The following TBR1 variants were observed in gnomAD, a reference collection of about 807,000 sequenced individuals.
TBR1 encodes T-box brain transcription factor 1.
TBR1 carries 7 observed loss-of-function variants against 60.3 expected under a neutral mutation model. That is an observed-to-expected ratio of 0.12 (90% CI 0.07 to 0.22). The LOEUF is 0.22. TBR1 is among the 10% of genes least tolerant of loss of function. The pLI is 1.00. For missense variants in TBR1, 616 were observed against 936.8 expected (o/e 0.66, Z 4.47); for synonymous variants, 417 against 409.9 (o/e 1.02, Z -0.21).
At chr2:161,420,154 C>A in intron 4 of TBR1, 42 bp from the exon 5 acceptor site, 1 of 1,543,154 alleles carries the variant, frequency 6.5e-7, no homozygotes, top group Non-Finnish European at 8.9e-7. Context: ...CCAGTCTTCA[C>A]GTATAAAAGG....
At chr2:161,420,288 A>G in intron 5 of TBR1, 31 bp downstream of exon 5, 3 of 1,592,284 alleles carry the variant, frequency 1.9e-6, no homozygotes, top group Non-Finnish European at 2.6e-6. Flanking sequence ...CTTTTCAAAT[A>G]GCTGTGGAAT....
Position 161,416,341 on chromosome 2 carries a change from A to G in TBR1, c.-70A>G. 1 of 1,275,482 alleles carries G rather than the reference A, an allele frequency of 7.8e-7. No homozygotes were observed. Among genetic ancestry groups the G allele is most frequent in the Non-Finnish European group, 1.1e-6 (1 of 919,358 alleles). The allele number at this position is 1,275,482 out of a possible 1,614,324, so 79.0% of individuals were successfully genotyped here. A position where few individuals can be genotyped will look rare whatever the true frequency, so the allele number is the denominator to read the frequency against. On this transcript the variant is annotated 5_prime_UTR_variant, in exon 1 of 6. Transcript: ENST00000389554. The surrounding 1 kb of genome is among the most constrained non-coding windows in gnomAD (Gnocchi z 6.1). ...TTCTGTCTAGTGAGGGGGTCTGTGG[A>G]TTTCTAGTTTATGATAAATAGGACT...
chr2:161,424,014 C>T lies in TBR1; in HGVS notation c.1836C>T (p.Ser612=). The change falls in exon 6 of 6, where the codon TCC becomes TCT. Residue 612 remains serine (S), a synonymous_variant. Transcript: ENST00000389554. The surrounding 1 kb of genome is among the most constrained non-coding windows in gnomAD (Gnocchi z 4.4). ...EDAKPKDLSD[S]SWIETPSSIK... ...CCAAGCCCAAGGACCTGTCCGATTC[C>T]AGCTGGATCGAGACGCCCTCCTCGA... is the stretch of plus-strand genomic sequence containing the variant. The T allele has an allele frequency of 1.3e-6, 2 of 1,582,038 alleles. No individual in the cohort carries two copies. Among genetic ancestry groups the T allele is most frequent in the Non-Finnish European group, 1.7e-6 (2 of 1,164,454 alleles).
intron 2 of TBR1, 93 bp from the exon 3 acceptor site, chr2:161,418,096 ATGTGTGTGTGTG>A (rs78592009): frequency 3.5e-5 from 50 of 1,414,282 alleles, no homozygotes; most frequent in East Asian, 1.3e-4. Context: ...AGGTGTGTGT[ATGTGTGTGTGTG>A]TGTGTGTGTG....
intron 4 of TBR1, chr2:161,419,342 T>C (rs1035581290): frequency 5.4e-6 from 2 of 370,868 alleles, no homozygotes; most frequent in Non-Finnish European, 4.9e-6. Flanking sequence ...ATTTGGGCTT[T>C]GAACTAGAAC....
chr2:161,417,418 G>A lies in TBR1; in HGVS notation c.693-258G>A. On this transcript the variant is annotated intron_variant, in intron 1 of 5. Transcript: ENST00000389554. This position sits in a 1 kb window ranked among gnomAD's most constrained non-coding sequence, Gnocchi z 5.3. ...CTGGCATGCACGGACAGGTGGAGAC[G>A]CAGGTCGCCAACCTCGCTCTCCACC... is the stretch of plus-strand genomic sequence containing the variant. 1.8e-6 allele frequency: 1 copy of A among 562,804 alleles called. No individual in the cohort carries two copies. Among genetic ancestry groups the A allele is most frequent in the Non-Finnish European group, 3.1e-6 (1 of 321,420 alleles). 34.9% of individuals were successfully genotyped at this position (562,804 alleles called of 1,614,324 possible). A position where few individuals can be genotyped will look rare whatever the true frequency, so the allele number is the denominator to read the frequency against.
Position 161,425,501 on chromosome 2 carries a change from T to C in TBR1, c.*1274T>C, listed in dbSNP as rs1003035023. 2.6e-5 allele frequency: 4 copies of C among 152,224 alleles called. No individual in the cohort carries two copies. The highest frequency in any genetic ancestry group is 2.1e-4 in the South Asian group (1 of 4,834). 9.4% of individuals were successfully genotyped at this position (152,224 alleles called of 1,614,324 possible). A position where few individuals can be genotyped will look rare whatever the true frequency, so the allele number is the denominator to read the frequency against. On this transcript the variant is annotated 3_prime_UTR_variant, in exon 6 of 6. Transcript: ENST00000389554. Reference sequence around the variant, plus strand: ...GCATTAATGCAAGTAAGACTGATTTTCCCCTAAGTCTTGTTATATTTGATA... The same window carrying C: ...GCATTAATGCAAGTAAGACTGATTTCCCCCTAAGTCTTGTTATATTTGATA...
chr2:161,417,527 C>T lies in TBR1; in HGVS notation c.693-149C>T. On this transcript the variant is annotated intron_variant, in intron 1 of 5. Coordinates refer to ENST00000389554, the MANE Select transcript of TBR1 (RefSeq NM_006593.4). This position sits in a 1 kb window ranked among gnomAD's most constrained non-coding sequence, Gnocchi z 5.3. ...GGTTGCACTTCTTTTCTTCTCCCAC[C>T]ACCCTTTTTCTAATCCAGCAAATAT... 2 of 1,058,076 alleles carry T rather than the reference C, an allele frequency of 1.9e-6. No individual in the cohort carries two copies. The highest frequency in any genetic ancestry group is 2.5e-5 in the Admixed American group (1 of 40,722). The allele number at this position is 1,058,076 out of a possible 1,614,324, so 65.5% of individuals were successfully genotyped here.
chr2:161,418,220 T>C lies in TBR1; in HGVS notation c.867T>C (p.His289=). Residue 289 remains histidine (H), a synonymous_variant, in exon 3 of 6, where the codon CAT becomes CAC. Transcript: ENST00000389554. ...CTCTAGGAAATCGGGTCTATATGCATCCGGATTCCCCCAACACTGGGGCTC... is the reference window on the plus strand; with the variant it reads ...CTCTAGGAAATCGGGTCTATATGCACCCGGATTCCCCCAACACTGGGGCTC... The part of the protein sequence containing the change: ...TNVQGNRVYM[H]PDSPNTGAHW... 5 of 1,613,682 alleles carry C rather than the reference T, an allele frequency of 3.1e-6. No homozygotes were observed. The highest frequency in any genetic ancestry group is 4.2e-6 in the Non-Finnish European group (5 of 1,179,904).
chr2:161,420,351 A>ATG (rs899011512), intron 5 of TBR1, 94 bp downstream of exon 5: 7 of 873,298 alleles, frequency 8.0e-6, no homozygotes, highest in Admixed American at 2.4e-5. Flanking sequence ...GAAAGCTGGA[A>ATG]TGTGTGAAGA....
At position 161,416,993 on chromosome 2, in the gene TBR1, A is replaced by C. The variant is rs767849327; in HGVS notation, c.583A>C (p.Thr195Pro). ...QGAPFYQFSS[T>P]QPGLVPGKAQ... The stretch of plus-strand genomic sequence containing the variant: ...AGCTCCGTTCTACCAGTTCTCCTCC[A>C]CCCAGCCGGGGCTGGTGCCCGGCAA... The change falls in exon 1 of 6, where the codon ACC becomes CCC. Residue 195 changes from threonine (T) to proline (P), a missense_variant. This residue lies in a region of TBR1 where 211 missense variants were observed against 268.7 expected (regional missense o/e 0.79). Coordinates refer to ENST00000389554, the MANE Select transcript of TBR1 (RefSeq NM_006593.4). The surrounding 1 kb of genome is among the most constrained non-coding windows in gnomAD (Gnocchi z 6.1). The C allele has an allele frequency of 6.2e-6, 10 of 1,613,764 alleles. No homozygotes were observed. Among genetic ancestry groups the C allele is most frequent in the Non-Finnish European group, 7.6e-6 (9 of 1,179,998 alleles).
In TBR1 at chr2:161,416,658, T is replaced by A; in HGVS notation, c.248T>A (p.Leu83His). The A allele has an allele frequency of 6.2e-7, 1 of 1,614,154 alleles. No homozygotes were observed. The highest frequency in any genetic ancestry group is 8.5e-7 in the Non-Finnish European group (1 of 1,180,022). ...CCAGGGGACGTCCAGAGAAGTAAACTCTCTCCTGTCTTGGACGGGGTCTCT... is the reference window on the plus strand; with the variant it reads ...CCAGGGGACGTCCAGAGAAGTAAACACTCTCCTGTCTTGGACGGGGTCTCT... ...DSPGDVQRSK[L>H]SPVLDGVSEL... Residue 83 changes from leucine (L) to histidine (H), a missense_variant, in exon 1 of 6, where the codon CTC (leucine) becomes CAC (histidine). Coordinates refer to ENST00000389554, the MANE Select transcript of TBR1 (RefSeq NM_006593.4). This position sits in a 1 kb window ranked among gnomAD's most constrained non-coding sequence, Gnocchi z 6.1.
At position 161,417,217 on chromosome 2, in the gene TBR1, C is replaced by T; in HGVS notation, c.692+115C>T. The T allele has an allele frequency of 9.4e-7, 1 of 1,061,862 alleles. No individual in the cohort carries two copies. The highest frequency in any genetic ancestry group is 1.3e-6 in the Non-Finnish European group (1 of 745,624). 65.8% of individuals were successfully genotyped at this position (1,061,862 alleles called of 1,614,324 possible). A position where few individuals can be genotyped will look rare whatever the true frequency, so the allele number is the denominator to read the frequency against. ...GGTCGGGAGCGGAGTGGAAGGCGCC[C>T]TAGAGTTGGCTAGTTTTGGAAAGGG... On this transcript the variant is annotated intron_variant, in intron 1 of 5. Transcript: ENST00000389554. This position sits in a 1 kb window ranked among gnomAD's most constrained non-coding sequence, Gnocchi z 5.3.
At chr2:161,420,112 G>A (rs1684203262) in intron 4 of TBR1, 84 bp from the exon 5 acceptor site, 4 of 1,221,540 alleles carry the variant, frequency 3.3e-6, no homozygotes, top group Non-Finnish European at 4.7e-6. Flanking sequence ...TTAAGCCCCT[G>A]TAAAAGTGGC....
At chr2:161,418,471 T>G in intron 3 of TBR1, 149 bp downstream of exon 3, 1 of 1,202,264 alleles carries the variant, frequency 8.3e-7, no homozygotes, top group South Asian at 1.7e-5. Context: ...ACCCTCCAAA[T>G]TTATATTAAA....
At chr2:161,418,461 A>G (rs1574149921) in intron 3 of TBR1, 139 bp downstream of exon 3, 13 of 1,256,772 alleles carry the variant, frequency 1.0e-5, no homozygotes, top group Non-Finnish European at 1.4e-5. Context: ...TTGTATTTCC[A>G]CCCTCCAAAT....
intron 2 of TBR1, 97 bp from the exon 3 acceptor site, chr2:161,418,096 ATGTGTGTG>A (rs78592009): frequency 0.012 from 16,914 of 1,396,552 alleles, 4 homozygotes; most frequent in East Asian, 0.024. Context: ...AGGTGTGTGT[ATGTGTGTG>A]TGTGTGTGTG....
Position 161,417,928 on chromosome 2 carries a change from T to C in TBR1, c.847+98T>C. The C allele has an allele frequency of 6.7e-7, 1 of 1,498,002 alleles. No individual in the cohort carries two copies. 92.8% of individuals were successfully genotyped at this position (1,498,002 alleles called of 1,614,324 possible). ...CTGGCTCGAGCGACTTTTAAAACGA[T>C]CGGCCAATGACTTCTAAAAGGAAAC... is the stretch of plus-strand genomic sequence containing the variant. On this transcript the variant is annotated intron_variant, in intron 2 of 5. Transcript: ENST00000389554. The surrounding 1 kb of genome is among the most constrained non-coding windows in gnomAD (Gnocchi z 5.3).
At chr2:161,420,145 C>T (rs753942414) in intron 4 of TBR1, 51 bp from the exon 5 acceptor site, 22 of 1,487,250 alleles carry the variant, frequency 1.5e-5, no homozygotes, top group African/African-American at 1.4e-5. Flanking sequence ...CTCAAACACC[C>T]AGTCTTCACG....
Sources: allele counts gnomAD v4.1 joint callset, GRCh38; gene constraint gnomAD v4.1.1; regional missense constraint gnomAD v4.1.1; non-coding constraint Gnocchi (gnomAD v3.1); transcripts MANE v1.5; gene names NCBI Gene and HGNC (gene_info 2026-07-23, HGNC 2026-07-21).